Variants in SEMA6C observed in about 807,000 individuals in gnomAD.
The protein encoded by SEMA6C is semaphorin-6C.
In SEMA6C, 37 loss-of-function variants were observed where a neutral mutation model predicts 72.9. That is an observed-to-expected ratio of 0.51 (90% CI 0.39 to 0.67). SEMA6C has a LOEUF of 0.67. SEMA6C is among the 30% of genes least tolerant of loss of function. SEMA6C has a pLI of 0.00. For synonymous variants in SEMA6C, 578 were observed against 554.1 expected (o/e 1.04, Z -0.61); for missense variants, 1,189 against 1,263.6 (o/e 0.94, Z 0.89).
At chr1:151,137,331 AGCT>A (rs1214290239) in intron 10 of SEMA6C, among the ~76,000 whole-genome samples, 2 of 151,868 alleles carry the variant, frequency 1.3e-5, no homozygotes, top group South Asian at 4.2e-4. Flanking sequence ...CTGTAGTCCC[AGCT>A]GCTCGGGAGG....
intron 14 of SEMA6C, 128 bp downstream of exon 14, chr1:151,135,463 C>T: frequency 1.4e-6 from 2 of 1,445,724 alleles, no homozygotes; most frequent in Non-Finnish European, 1.9e-6. Flanking sequence ...TCTCGCCAAG[C>T]CTGTCTAGCC....
rs757492174 is a variant in SEMA6C at position 151,133,095 on chromosome 1, C to T, written c.2182G>A (p.Ala728Thr). The part of the protein sequence containing the change: ...PWEWNQNRNN[A>T]KEGPGRSRGG... ...CGTGAGCGGCCCGGACCCTCCTTGG[C>T]GTTGTTCCTGTTCTGGTTCCACTCC... The change falls in exon 19 of 19, where the codon GCC (alanine) becomes ACC (threonine). Residue 728 changes from alanine to threonine, a missense_variant. This residue lies in a region of SEMA6C where 721 missense variants were observed against 686.2 expected (regional missense o/e 1.05). Transcript: ENST00000368914. The surrounding 1 kb of genome is among the most constrained non-coding windows in gnomAD (Gnocchi z 5.9). The T allele has an allele frequency of 6.4e-7, 1 of 1,559,252 alleles. No individual in the cohort carries two copies. The highest frequency in any genetic ancestry group is 1.8e-5 in the Admixed American group (1 of 54,206).
chr1:151,145,889 T>C lies in SEMA6C; in HGVS notation c.-105+544A>G, dbSNP rs1376917721. 1.3e-5 allele frequency: 2 copies of C among 152,220 alleles called. No homozygotes were observed. The highest frequency in any genetic ancestry group is 2.9e-5 in the Non-Finnish European group (2 of 68,086). 9.4% of individuals were successfully genotyped at this position (152,220 alleles called of 1,614,324 possible). A position where few individuals can be genotyped will look rare whatever the true frequency, so the allele number is the denominator to read the frequency against. ...GGCCGAGCGGGCTGAAGGAAGGAGA[T>C]AGGCGCTGGGACCGATGTTGCTCGA... On this transcript the variant is annotated intron_variant, in intron 1 of 18. Coordinates refer to ENST00000368914, the MANE Select transcript of SEMA6C (RefSeq NM_030913.6). The surrounding 1 kb of genome is among the most constrained non-coding windows in gnomAD (Gnocchi z 4.4).
chr1:151,137,955 AAC>A (rs768318367), intron 9 of SEMA6C, 29 bp downstream of exon 9: 2 of 1,605,474 alleles, frequency 1.2e-6, no homozygotes, highest in Non-Finnish European at 1.7e-6. Context: ...CCTCCCCAAT[AAC>A]AGTCTCCTTT....
At chr1:151,134,923 C>A in intron 15 of SEMA6C, 48 bp from the exon 16 acceptor site, 2 of 1,553,202 alleles carry the variant, frequency 1.3e-6, no homozygotes, top group South Asian at 2.2e-5. Context: ...CTACTCCAGT[C>A]ACTTTCCATT....
chr1:151,141,827 C>T (rs1045005388), intron 3 of SEMA6C, among the ~76,000 whole-genome samples: 2 of 149,404 alleles, frequency 1.3e-5, no homozygotes, highest in East Asian at 2.0e-4. Flanking sequence ...TATTCACAGG[C>T]GCCATCACAG....
intron 10 of SEMA6C, among the ~76,000 whole-genome samples, chr1:151,137,406 A>G (rs1682126891): frequency 1.4e-5 from 2 of 144,356 alleles, no homozygotes; most frequent in Admixed American, 1.5e-4. Flanking sequence ...AGATGGCGCC[A>G]CTGCACTCCA....
rs993263169 is a variant in SEMA6C at position 151,132,220 on chromosome 1, A to G, written c.*264T>C. On this transcript the variant is annotated 3_prime_UTR_variant, in exon 19 of 19. Coordinates refer to ENST00000368914, the MANE Select transcript of SEMA6C (RefSeq NM_030913.6). ...AGTTAAGGCAGCTTGGCTGGAAGGGAGCGGGGAGTGGGAGTCCGCCAGCTC... is the reference window on the plus strand; with the variant it reads ...AGTTAAGGCAGCTTGGCTGGAAGGGGGCGGGGAGTGGGAGTCCGCCAGCTC... 1.5e-5 allele frequency: 23 copies of G among 1,488,722 alleles called. No individual in the cohort carries two copies. In the Admixed American group the frequency reaches 4.4e-4, roughly 29 times the overall value. The allele number at this position is 1,488,722 out of a possible 1,614,324, so 92.2% of individuals were successfully genotyped here.
Position 151,132,803 on chromosome 1 carries a change from T to C in SEMA6C, c.2474A>G (p.Glu825Gly), listed in dbSNP as rs1164647334. 2.3e-6 allele frequency: 3 copies of C among 1,331,268 alleles called. No homozygotes were observed. The highest frequency in any genetic ancestry group is 2.9e-6 in the Non-Finnish European group (3 of 1,037,926). The allele number at this position is 1,331,268 out of a possible 1,614,324, so 82.5% of individuals were successfully genotyped here. A position where few individuals can be genotyped will look rare whatever the true frequency, so the allele number is the denominator to read the frequency against. Residue 825 changes from glutamate (E) to glycine (G), a missense_variant, in exon 19 of 19, where the codon GAG becomes GGG. Glu to Gly is a moderately conservative substitution (Grantham distance 98). Coordinates refer to ENST00000368914, the MANE Select transcript of SEMA6C (RefSeq NM_030913.6). ...ASPLRLDVPP[E>G]GRCASAPARP... is the part of the protein sequence containing the mutation. ...GGCGGGGGCAGAGGCGCACCTGCCCTCGGGGGGCACGTCCAGCCTCAGCGG... is the reference window on the plus strand; with the variant it reads ...GGCGGGGGCAGAGGCGCACCTGCCCCCGGGGGGCACGTCCAGCCTCAGCGG...
chr1:151,138,811 G>T, intron 6 of SEMA6C, 80 bp from the exon 7 acceptor site: 2 of 1,174,242 alleles, frequency 1.7e-6, no homozygotes, highest in Non-Finnish European at 2.5e-6. Context: ...TGGGCTTACA[G>T]GGCGGGCGTG....
At chr1:151,134,771 C>T (rs1271626071) in intron 16 of SEMA6C, 27 bp downstream of exon 16, 20 of 1,613,312 alleles carry the variant, frequency 1.2e-5, no homozygotes, top group Non-Finnish European at 1.4e-5. Context: ...ATTTTATGCT[C>T]AGGAAACCCA....
chr1:151,134,992 A>G, intron 15 of SEMA6C, 117 bp from the exon 16 acceptor site: 1 of 1,323,318 alleles, frequency 7.6e-7, no homozygotes, highest in Non-Finnish European at 1.1e-6. Context: ...TCTCCTGTCC[A>G]CCTCAGTCTC....
At chr1:151,142,448 G>T (rs1682629875) in intron 3 of SEMA6C, 56 bp downstream of exon 3, 2 of 1,604,804 alleles carry the variant, frequency 1.2e-6, no homozygotes, top group Non-Finnish European at 8.5e-7. Flanking sequence ...CCACACAGGG[G>T]GTCTCAGTCT....
In SEMA6C at chr1:151,137,806, T is replaced by C. The variant is rs1682179365; in HGVS notation, c.668-7A>G. ...GCCTGGACAAAGTGTGGCTCTAAGA[T>C]GGGGAATGACAGGAAAGGGTATAGA... On this transcript the variant is annotated splice_region_variant and splice_polypyrimidine_tract_variant and intron_variant, in intron 9 of 18. Coordinates refer to ENST00000368914, the MANE Select transcript of SEMA6C (RefSeq NM_030913.6). The C allele has an allele frequency of 1.2e-6, 2 of 1,611,910 alleles. No individual in the cohort carries two copies. The highest frequency in any genetic ancestry group is 1.7e-6 in the Non-Finnish European group (2 of 1,178,582).
chr1:151,135,101 T>G, intron 15 of SEMA6C, 62 bp downstream of exon 15: 1 of 1,591,764 alleles, frequency 6.3e-7, no homozygotes, highest in Non-Finnish European at 8.5e-7. Flanking sequence ...GACCTGTGTT[T>G]CTGTGCTCTT....
intron 3 of SEMA6C, among the ~76,000 whole-genome samples, chr1:151,141,296 CTAAGAA>C (rs1682530377): frequency 6.6e-6 from 1 of 152,146 alleles, no homozygotes; most frequent in Non-Finnish European, 1.5e-5. Flanking sequence ...CTCTATGTAG[CTAAGAA>C]TAACAGGAAA....
Position 151,132,464 on chromosome 1 carries a change from G to C in SEMA6C, c.*20C>G. 4.5e-6 allele frequency: 7 copies of C among 1,541,660 alleles called. No individual in the cohort carries two copies. Among genetic ancestry groups the C allele is most frequent in the Non-Finnish European group, 5.3e-6 (6 of 1,141,872 alleles). On this transcript the variant is annotated 3_prime_UTR_variant, in exon 19 of 19. Coordinates refer to ENST00000368914, the MANE Select transcript of SEMA6C (RefSeq NM_030913.6). ...GAGGACTCGGGCGCTCCCCACGCTGGAGGCCGTGGGCCGCTCCCTTTAAAA... is the reference window on the plus strand; with the variant it reads ...GAGGACTCGGGCGCTCCCCACGCTGCAGGCCGTGGGCCGCTCCCTTTAAAA...
chr1:151,139,297 T>A, intron 6 of SEMA6C, 128 bp downstream of exon 6: 2 of 800,202 alleles, frequency 2.5e-6, no homozygotes, highest in Non-Finnish European at 4.3e-6. Flanking sequence ...TCTTTCCTTC[T>A]CATTTTCCCC....
At position 151,132,748 on chromosome 1, in the gene SEMA6C, C is replaced by A. The variant is rs1342652419; in HGVS notation, c.2529G>T (p.Arg843=). The stretch of plus-strand genomic sequence containing the variant: ...ACCTCCGGCCTCCGCCGACGCCCAG[C>A]CGGGGAGCGGGGGCGGAGAGCGCGG... The part of the protein sequence containing the change: ...ARPALSAPAP[R]LGVGGGRRLP... The change falls in exon 19 of 19, where the codon CGG becomes CGT. Residue 843 remains arginine, a synonymous_variant. Transcript: ENST00000368914. 5 of 1,445,772 alleles carry A rather than the reference C, an allele frequency of 3.5e-6. No homozygotes were observed. Among genetic ancestry groups the A allele is most frequent in the Non-Finnish European group, 4.5e-6 (5 of 1,099,484 alleles). The allele number at this position is 1,445,772 out of a possible 1,614,324, so 89.6% of individuals were successfully genotyped here.
Sources: allele counts gnomAD v4.1 joint callset (sites outside exome capture counted in the v4.1 genomes callset), GRCh38; gene constraint gnomAD v4.1.1; regional missense constraint gnomAD v4.1.1; non-coding constraint Gnocchi (gnomAD v3.1); transcripts MANE v1.5; gene names NCBI Gene and HGNC (gene_info 2026-07-23, HGNC 2026-07-21).